Variants in DENND6A observed in about 807,000 individuals in gnomAD.
The protein encoded by DENND6A is DENN domain containing 6A, also known as protein DENND6A.
A neutral mutation model predicts 95.5 loss-of-function variants in DENND6A; 43 were observed. That is an observed-to-expected ratio of 0.45 (90% confidence interval 0.35 to 0.58). The LOEUF is 0.58. Ranked by LOEUF, DENND6A falls within the 20% of genes least tolerant of loss-of-function variation. The probability of loss-of-function intolerance (pLI) is 0.00; values close to 1 mark genes in which losing one functional copy is unlikely to be tolerated. For synonymous variants in DENND6A, 257 were observed against 260.4 expected (o/e 0.99, Z 0.13); for missense variants, 574 against 736.0 (o/e 0.78, Z 2.55).
intron 1 of DENND6A, among the ~76,000 whole-genome samples, chr3:57,680,806 C>G (rs1029375342): frequency 6.6e-6 from 1 of 151,930 alleles, no homozygotes; most frequent in Admixed American, 6.6e-5. Flanking sequence ...TGAAAAAACA[C>G]TGTTTAGCAT....
intron 15 of DENND6A, among the ~76,000 whole-genome samples, chr3:57,632,396 T>C (rs1278872811): frequency 6.6e-6 from 1 of 151,932 alleles, no homozygotes; most frequent in Non-Finnish European, 1.5e-5. Context: ...CACAGCCTAC[T>C]GTAGTCTCAA....
chr3:57,634,900 A>C, intron 12 of DENND6A, 131 bp from the exon 13 acceptor site: 1 of 688,918 alleles, frequency 1.5e-6, no homozygotes, highest in East Asian at 3.1e-5. Context: ...ACATCTATTA[A>C]TATGTTAAGG....
At chr3:57,635,667 TG>T (rs2070776887) in intron 12 of DENND6A, among the ~76,000 whole-genome samples, 1 of 152,138 alleles carries the variant, frequency 6.6e-6, no homozygotes, top group East Asian at 1.9e-4. Flanking sequence ...TATCTGGGGG[TG>T]AGATTTTAAG....
intron 9 of DENND6A, 52 bp downstream of exon 9, chr3:57,657,628 C>A (rs1490556967): frequency 2.0e-5 from 24 of 1,189,074 alleles, no homozygotes; most frequent in Admixed American, 8.9e-5. Flanking sequence ...TAAATTAACA[C>A]CACCACCACA....
At chr3:57,681,944 A>G (rs912167069) in intron 1 of DENND6A, among the ~76,000 whole-genome samples, 1 of 152,154 alleles carries the variant, frequency 6.6e-6, no homozygotes, top group African/African-American at 2.4e-5. Context: ...AAACCTCAAA[A>G]CCACTGAATT....
chr3:57,650,314 A>T (rs1046306804), intron 9 of DENND6A, among the ~76,000 whole-genome samples: 2 of 152,062 alleles, frequency 1.3e-5, no homozygotes, highest in Non-Finnish European at 2.9e-5. Context: ...CTAAAAAAAA[A>T]AAAGTTGCAG....
intron 1 of DENND6A, among the ~76,000 whole-genome samples, chr3:57,689,387 A>C (rs2077240593): frequency 2.0e-5 from 3 of 152,172 alleles, no homozygotes; most frequent in African/African-American, 4.8e-5. Context: ...AATAATTGGT[A>C]ATTTCAAAGC....
chr3:57,631,945 A>G (rs1165829574), intron 15 of DENND6A, among the ~76,000 whole-genome samples: 2 of 141,658 alleles, frequency 1.4e-5, no homozygotes, highest in African/African-American at 5.3e-5. Context: ...GATGGTCTTG[A>G]TCTCCTGACC....
intron 1 of DENND6A, among the ~76,000 whole-genome samples, chr3:57,679,157 T>C (rs911365523): frequency 6.6e-6 from 1 of 152,238 alleles, no homozygotes; most frequent in Non-Finnish European, 1.5e-5. Context: ...TATTTTGTTA[T>C]AGTAGCCATA....
chr3:57,629,547 T>C (rs1449623704), intron 18 of DENND6A, among the ~76,000 whole-genome samples: 1 of 145,422 alleles, frequency 6.9e-6, no homozygotes, highest in African/African-American at 2.5e-5. Context: ...AGTCTCGCTC[T>C]GTCGCCCAGG....
At chr3:57,673,007 G>A (rs1432148098) in intron 1 of DENND6A, among the ~76,000 whole-genome samples, 2 of 151,580 alleles carry the variant, frequency 1.3e-5, no homozygotes, top group African/African-American at 4.8e-5. Flanking sequence ...GAGACGTGCA[G>A]AGTTCAATAC....
intron 4 of DENND6A, 28 bp downstream of exon 4, chr3:57,666,095 G>T: frequency 6.3e-7 from 1 of 1,577,474 alleles, no homozygotes; most frequent in South Asian, 1.1e-5. Context: ...CTCTCACATG[G>T]ACATTTTCCT....
intron 12 of DENND6A, among the ~76,000 whole-genome samples, chr3:57,639,836 A>G (rs2070884938): frequency 6.7e-6 from 1 of 149,616 alleles, no homozygotes; most frequent in Admixed American, 6.6e-5. Flanking sequence ...GAATTTGTAA[A>G]CAGTACTATT....
At chr3:57,645,586 T>C in intron 11 of DENND6A, 75 bp downstream of exon 11, 1 of 1,144,140 alleles carries the variant, frequency 8.7e-7, no homozygotes, top group Non-Finnish European at 1.3e-6. Flanking sequence ...CTATAAGCTT[T>C]TATTACCAAA....
chr3:57,670,500 C>G (rs1355968453), intron 3 of DENND6A, among the ~76,000 whole-genome samples: 1 of 152,212 alleles, frequency 6.6e-6, no homozygotes, highest in African/African-American at 2.4e-5. Flanking sequence ...CTGGTACCAT[C>G]TCCAGTGATA....
At chr3:57,679,603 G>A in intron 1 of DENND6A, 2 of 975,590 alleles carry the variant, frequency 2.1e-6, no homozygotes, top group Non-Finnish European at 2.4e-6. Flanking sequence ...GTCCTAATTA[G>A]ATGTGTCCTT....
Position 57,630,751 on chromosome 3 carries a change from G to C in DENND6A, c.1481C>G (p.Thr494Ser). The C allele has an allele frequency of 6.2e-7, 1 of 1,614,018 alleles. No individual in the cohort carries two copies. The highest frequency in any genetic ancestry group is 8.5e-7 in the Non-Finnish European group (1 of 1,179,988). The change falls in exon 17 of 20, where the codon ACC becomes AGC. Residue 494 changes from threonine to serine, a missense_variant. Physicochemically the swap from Thr to Ser is moderately conservative, Grantham distance 58. Around this residue, in one of 2 missense-constraint regions of DENND6A, gnomAD observed 452 missense variants for 630.9 expected, o/e 0.72. Coordinates refer to ENST00000311128, the MANE Select transcript of DENND6A (RefSeq NM_152678.3). ...AATCCAATCGCCTTTTATTCTAGAG[G>C]TTAGCTGAGGTCCTGTTTTCTCAAG... ...KTLEKTGPQL[T>S]SRIKGDWIGL... is the part of the protein sequence containing the mutation.
intron 17 of DENND6A, 79 bp from the exon 18 acceptor site, chr3:57,630,602 C>A (rs991735714): frequency 1.3e-6 from 2 of 1,520,282 alleles, no homozygotes; most frequent in South Asian, 2.5e-5. Context: ...AGTCAGAGAA[C>A]CATGTCAAAC....
intron 9 of DENND6A, among the ~76,000 whole-genome samples, chr3:57,649,462 T>A (rs1308808210): frequency 6.7e-6 from 1 of 148,828 alleles, no homozygotes; most frequent in Non-Finnish European, 1.5e-5. Context: ...CTTAAAGAAC[T>A]AAAAGTAGAT....
Sources: allele counts gnomAD v4.1 joint callset (sites outside exome capture counted in the v4.1 genomes callset), GRCh38; gene constraint gnomAD v4.1.1; regional missense constraint gnomAD v4.1.1; transcripts MANE v1.5; gene names NCBI Gene and HGNC (gene_info 2026-07-23, HGNC 2026-07-21).